PCDHA11: variants seen among roughly 807,000 people sequenced by gnomAD.
PCDHA11 encodes protocadherin alpha-11.
A neutral mutation model predicts 70.3 loss-of-function variants in PCDHA11; 61 were observed. That is an observed-to-expected ratio of 0.87 (90% CI 0.71 to 1.07). The LOEUF is 1.07. PCDHA11 is among the 50% of genes least tolerant of loss of function. The pLI is 0.00. For synonymous variants in PCDHA11, 633 were observed against 555.1 expected (o/e 1.14, Z -1.97); for missense variants, 1,324 against 1,237.5 (o/e 1.07, Z -1.05).
At chr5:140,884,659 A>G in intron 1 of PCDHA11, 1 of 1,597,068 alleles carries the variant, frequency 6.3e-7, no homozygotes, top group Non-Finnish European at 8.5e-7. Flanking sequence ...AATGCTTGAA[A>G]GAGGTAAGCT....
chr5:140,875,915 TG>T, intron 1 of PCDHA11: 1 of 1,614,214 alleles, frequency 6.2e-7, no homozygotes, highest in Non-Finnish European at 8.5e-7. Context: ...TCTGCGCCTC[TG>T]GACTCTCATT....
At position 140,869,529 on chromosome 5, in the gene PCDHA11, T is replaced by G. The variant is rs2051206211; in HGVS notation, c.426T>G (p.Ile142Met). Residue 142 changes from isoleucine (I) to methionine (M), a missense_variant, in exon 1 of 4, where the codon ATT becomes ATG. By Grantham distance (10) the Ile-to-Met change is conservative. Coordinates refer to ENST00000398640, the MANE Select transcript of PCDHA11 (RefSeq NM_018902.5). ...CGCTCAGAGAACAAAAGCTGCTGAT[T>G]GCGGAATCTAAGCAATCGGACTCGC... ...VFSLREQKLLIAESKQSDSRF... is the reference protein window; with the variant it reads ...VFSLREQKLLMAESKQSDSRF... 1.2e-6 allele frequency: 2 copies of G among 1,614,166 alleles called. No homozygotes were observed. The highest frequency in any genetic ancestry group is 1.7e-6 in the Non-Finnish European group (2 of 1,180,032).
chr5:140,939,280 C>T (rs985518425), intron 1 of PCDHA11, among the ~76,000 whole-genome samples: 1 of 152,064 alleles, frequency 6.6e-6, no homozygotes, highest in Non-Finnish European at 1.5e-5. Flanking sequence ...GCTGTGCCCT[C>T]GTGATCTAAT....
chr5:140,946,527 G>A (rs1414920308), intron 1 of PCDHA11, among the ~76,000 whole-genome samples: 1 of 150,718 alleles, frequency 6.6e-6, no homozygotes, highest in Non-Finnish European at 1.5e-5. Flanking sequence ...GCACTCCCAT[G>A]TTCATTGCAG....
chr5:140,877,607 T>C (rs782533203), intron 1 of PCDHA11: 5 of 1,613,712 alleles, frequency 3.1e-6, no homozygotes. Flanking sequence ...AGCCTGCTGG[T>C]GCTCACGCTG....
At chr5:140,879,084 G>T (rs927310887) in intron 1 of PCDHA11, among the ~76,000 whole-genome samples, 1 of 152,174 alleles carries the variant, frequency 6.6e-6, no homozygotes, top group Non-Finnish European at 1.5e-5. Flanking sequence ...AGATAAGTAG[G>T]AACAACTGCA....
chr5:141,004,423 C>T (rs2098165944), intron 3 of PCDHA11, among the ~76,000 whole-genome samples: 1 of 152,202 alleles, frequency 6.6e-6, no homozygotes, highest in Non-Finnish European at 1.5e-5. Context: ...TCTCTGCCTC[C>T]TGGAGTTTAG....
rs782580460 is a variant in PCDHA11, at chr5:140,875,923, C to T, written c.2391+4429C>T. 1.2e-5 allele frequency: 20 copies of T among 1,614,184 alleles called. 1 individual carries two copies. The South Asian group carries it at 2.1e-4, about 17-fold the overall frequency. On this transcript the variant is annotated intron_variant, in intron 1 of 3. Coordinates refer to ENST00000398640, the MANE Select transcript of PCDHA11 (RefSeq NM_018902.5). ...TTCTGAATCTGCGCCTCTGGACTCT[C>T]ATTTTCCTCTAGAGGGCGCTTCTGA...
At chr5:140,920,842 A>T (rs1377558160) in intron 1 of PCDHA11, among the ~76,000 whole-genome samples, 3 of 127,576 alleles carry the variant, frequency 2.4e-5, no homozygotes, top group Non-Finnish European at 5.0e-5. Context: ...GACCAAATCT[A>T]AAAAAAAAAA....
intron 1 of PCDHA11, among the ~76,000 whole-genome samples, chr5:140,902,107 T>G (rs2069104126): frequency 6.6e-6 from 1 of 152,174 alleles, no homozygotes; most frequent in African/African-American, 2.4e-5. Flanking sequence ...CTTTAGATTT[T>G]TTTAAAACTG....
chr5:140,969,642 A>G (rs2096350693), intron 1 of PCDHA11: 1 of 206,874 alleles, frequency 4.8e-6, no homozygotes, highest in African/African-American at 2.4e-5. Context: ...GCCTTGGAAT[A>G]GGGATTATGT....
chr5:140,876,378 T>G (rs1554168503), intron 1 of PCDHA11: 1 of 1,613,948 alleles, frequency 6.2e-7, no homozygotes. Flanking sequence ...CAGGTGAAAT[T>G]AGAATTTATG....
chr5:140,964,380 C>T (rs891362271), intron 1 of PCDHA11, among the ~76,000 whole-genome samples: 9 of 152,120 alleles, frequency 5.9e-5, no homozygotes, highest in Non-Finnish European at 1.3e-4. Context: ...AAGGAGAGTC[C>T]TGGTTTTTCT....
At chr5:140,884,320 A>T in intron 1 of PCDHA11, 1 of 1,613,806 alleles carries the variant, frequency 6.2e-7, no homozygotes, top group Non-Finnish European at 8.5e-7. Context: ...GGGCGTCGGC[A>T]GGCGCTGTGG....
intron 1 of PCDHA11, among the ~76,000 whole-genome samples, chr5:140,959,874 A>G (rs1360001985): frequency 1.3e-5 from 2 of 152,236 alleles, no homozygotes; most frequent in Non-Finnish European, 2.9e-5. Flanking sequence ...AAATCTGTCA[A>G]GGAATACACG....
rs371368253 is a variant in PCDHA11, at chr5:140,871,153, G to C, written c.2050G>C (p.Gly684Arg). 77 of 1,613,298 alleles carry C rather than the reference G, an allele frequency of 4.8e-5. No homozygotes were observed. The African/African-American group carries it at 9.2e-4, about 19-fold the overall frequency. The change falls in exon 1 of 4, where the codon GGC becomes CGC. Residue 684 changes from glycine (G) to arginine (R), a missense_variant. Physicochemically the swap from Gly to Arg is moderately radical, Grantham distance 125 (BLOSUM62 -2). Transcript: ENST00000398640. ...APKASSRTLA[G>R]AASPEAALVD... ...AAAGGCCTCTTCCCGGACTTTGGCG[G>C]GCGCCGCGAGCCCAGAGGCTGCGCT...
At chr5:140,995,000 T>A (rs149795080) in intron 3 of PCDHA11, among the ~76,000 whole-genome samples, 1 of 152,328 alleles carries the variant, frequency 6.6e-6, no homozygotes, top group African/African-American at 2.4e-5. Flanking sequence ...GTTAGTTGGT[T>A]TGTTTATATT....
chr5:140,993,460 TCTCA>T (rs200310897), intron 3 of PCDHA11, among the ~76,000 whole-genome samples: 2,027 of 104,544 alleles, frequency 0.019, 23 homozygotes, highest in Admixed American at 0.035. Flanking sequence ...CTTCTTTCTT[TCTCA>T]CACACACACA....
At position 140,982,360 on chromosome 5, in the gene PCDHA11, A is replaced by G. The variant is rs1016027722; in HGVS notation, c.2451-115A>G. 59 of 1,527,040 alleles carry G rather than the reference A, an allele frequency of 3.9e-5. No individual in the cohort carries two copies. In the Admixed American group the frequency reaches 8.5e-4, roughly 22 times the overall value. 94.6% of individuals were successfully genotyped at this position (1,527,040 alleles called of 1,614,324 possible). ...TAATTGCTTCAGTTCAAGCATGAGC[A>G]GAATGTGTTAGCTGCAGCCCTGGCT... On this transcript the variant is annotated intron_variant, in intron 2 of 3. Coordinates refer to ENST00000398640, the MANE Select transcript of PCDHA11 (RefSeq NM_018902.5).
Sources: gnomAD v4.1 joint callset for allele counts (sites outside exome capture counted in the v4.1 genomes callset) on GRCh38, gnomAD v4.1.1 for gene constraint, MANE v1.5 for transcripts, NCBI Gene and HGNC (gene_info 2026-07-23, HGNC 2026-07-21) for gene names.